The following KLC2 variants were observed in gnomAD, a reference collection of about 807,000 sequenced individuals.
The protein encoded by KLC2 is KLC 2.
A neutral mutation model predicts 75.1 loss-of-function variants in KLC2; 35 were observed. The ratio of observed to expected loss-of-function variants is 0.47; its 90% CI spans 0.36 to 0.62. KLC2 has a LOEUF of 0.62. Ranked by LOEUF, KLC2 falls within the 20% of genes least tolerant of loss-of-function variation. KLC2 has a pLI of 0.00. For synonymous variants in KLC2, 314 were observed against 336.7 expected, an observed-to-expected ratio of 0.93 and a Z score of 0.74; for missense variants, 611 against 833.2, an observed-to-expected ratio of 0.73 and a Z score of 3.28.
chr11:66,251,035 A>G, the KLC2 span, among the ~76,000 whole-genome samples: 72 of 152,274 alleles, frequency 4.7e-4, no homozygotes, highest in Admixed American at 1.4e-3. Flanking sequence ...ACCGGGAGAA[A>G]CAAGACCTGC....
intron 9 of KLC2, chr11:66,264,683 C>T: frequency 1.7e-6 from 1 of 588,616 alleles, no homozygotes; most frequent in Non-Finnish European, 3.0e-6. Context: ...TCCCCCTTCT[C>T]CACTGGCGAT....
intron 2 of KLC2, 28 bp downstream of exon 2, chr11:66,258,850 G>A: frequency 6.9e-7 from 1 of 1,459,070 alleles, no homozygotes. Flanking sequence ...ACTGAGGTGG[G>A]AGGTCACTGG....
chr11:66,267,134 G>A lies in KLC2; in HGVS notation c.*178G>A. 6.5e-7 allele frequency: 1 copy of A among 1,534,072 alleles called. No individual in the cohort carries two copies. The highest frequency in any genetic ancestry group is 1.2e-5 in the South Asian group (1 of 81,870). Reference sequence around the variant, plus strand: ...AGCCTGAGCCCTGGAGGCTGGGCCTGCCCACTCCAGCTCCATCCCTTATTT... The same window carrying A: ...AGCCTGAGCCCTGGAGGCTGGGCCTACCCACTCCAGCTCCATCCCTTATTT... On this transcript the variant is annotated 3_prime_UTR_variant, in exon 16 of 16. Transcript: ENST00000394067.
intron 1 of KLC2, 185 bp from the exon 2 acceptor site, chr11:66,258,399 C>T (rs1856159101): frequency 1.7e-6 from 1 of 589,470 alleles, no homozygotes; most frequent in Admixed American, 3.0e-5. Flanking sequence ...TTGCGTCTCC[C>T]AGGCCTAGAC....
rs746952750 is a variant in KLC2 at position 66,265,901 on chromosome 11, T to C, written c.1491T>C (p.Asp497=). ...CCAAGGTGGTAGAACTGCTGAAAGA[T>C]GGCAGTGGCAGGCGGGGAGACCGCC... ...SQTKVVELLK[D]GSGRRGDRRS... is the part of the protein sequence containing the mutation. Residue 497 remains aspartate (D), a synonymous_variant, in exon 13 of 16, where the codon GAT becomes GAC. Transcript: ENST00000394067. 6 of 1,581,370 alleles carry C rather than the reference T, an allele frequency of 3.8e-6. No homozygotes were observed. Among genetic ancestry groups the C allele is most frequent in the Non-Finnish European group, 5.2e-6 (6 of 1,161,000 alleles).
chr11:66,252,084 T>A, the KLC2 span, among the ~76,000 whole-genome samples: 1 of 152,174 alleles, frequency 6.6e-6, no homozygotes, highest in South Asian at 2.1e-4. Flanking sequence ...GCCGCCTCAT[T>A]TGTGGCTCAC....
At chr11:66,258,430 A>C (rs771337836) in intron 1 of KLC2, 154 bp from the exon 2 acceptor site, 1 of 603,116 alleles carries the variant, frequency 1.7e-6, no homozygotes, top group Non-Finnish European at 2.9e-6. Flanking sequence ...CGCCCTCTGT[A>C]GGCCAAGCGC....
chr11:66,265,292 C>T, intron 11 of KLC2, 57 bp downstream of exon 11: 1 of 1,459,092 alleles, frequency 6.9e-7, no homozygotes, highest in Non-Finnish European at 9.6e-7. Flanking sequence ...GCTCCACATT[C>T]CATACTCTCA....
rs1171038237 is a variant in KLC2 at position 66,263,921 on chromosome 11, T to C, written c.911T>C (p.Leu304Ser). 6.2e-7 allele frequency: 1 copy of C among 1,614,156 alleles called. No individual in the cohort carries two copies. The highest frequency in any genetic ancestry group is 1.7e-5 in the Admixed American group (1 of 60,030). The change falls in exon 7 of 16, where the codon TTG (leucine) becomes TCG (serine). Residue 304 changes from leucine to serine, a missense_variant. Transcript: ENST00000394067. The stretch of plus-strand genomic sequence containing the variant: ...GGCAAGTACAAGGAGGCTGAGCCAT[T>C]GTGCAAGCGGGCACTGGAGATCCGG... ...KRGKYKEAEP[L>S]CKRALEIREK...
At position 66,267,083 on chromosome 11, in the gene KLC2, A is replaced by G; in HGVS notation, c.*127A>G. 1.3e-6 allele frequency: 2 copies of G among 1,543,606 alleles called. No individual in the cohort carries two copies. The highest frequency in any genetic ancestry group is 1.7e-6 in the Non-Finnish European group (2 of 1,143,374). Reference sequence around the variant, plus strand: ...GCCCCTGTCTTTTCTGTTCAATCTCAGGGTAACCTTCTCCCTTGTCATCTC... The same window carrying G: ...GCCCCTGTCTTTTCTGTTCAATCTCGGGGTAACCTTCTCCCTTGTCATCTC... On this transcript the variant is annotated 3_prime_UTR_variant, in exon 16 of 16. Transcript: ENST00000394067.
intron 9 of KLC2, 67 bp downstream of exon 9, chr11:66,264,511 G>A (rs1856677160): frequency 2.5e-6 from 3 of 1,177,220 alleles, no homozygotes; most frequent in African/African-American, 1.5e-5. Context: ...TCAGCACCCA[G>A]GACAAATCCC....
chr11:66,267,147 C>A lies in KLC2; in HGVS notation c.*191C>A, dbSNP rs1301748705. ...GAGGCTGGGCCTGCCCACTCCAGCT[C>A]CATCCCTTATTTATTCCTTCCAGCA... is the stretch of plus-strand genomic sequence containing the variant. On this transcript the variant is annotated 3_prime_UTR_variant, in exon 16 of 16. Coordinates refer to ENST00000394067, the MANE Select transcript of KLC2 (RefSeq NM_001318734.2). 6.5e-7 allele frequency: 1 copy of A among 1,541,200 alleles called. No homozygotes were observed. The highest frequency in any genetic ancestry group is 2.0e-5 in the Admixed American group (1 of 50,422).
chr11:66,252,002 C>T, the KLC2 span, among the ~76,000 whole-genome samples: 1 of 152,170 alleles, frequency 6.6e-6, no homozygotes, highest in South Asian at 2.1e-4. Flanking sequence ...TCGCTGGGCT[C>T]ATCTCCTTCC....
chr11:66,251,640 C>T, the KLC2 span, among the ~76,000 whole-genome samples: 1 of 151,920 alleles, frequency 6.6e-6, no homozygotes, highest in African/African-American at 2.4e-5. Flanking sequence ...GGCATGGTGG[C>T]GCATGCCTGT....
the KLC2 span, among the ~76,000 whole-genome samples, chr11:66,249,387 T>C: frequency 1.3e-5 from 2 of 152,320 alleles, no homozygotes; most frequent in East Asian, 3.9e-4. Context: ...GTGTTGATTA[T>C]CCCTACATGC....
At chr11:66,249,837 G>A in the KLC2 span, among the ~76,000 whole-genome samples, 2,064 of 152,068 alleles carry the variant, frequency 0.014, 38 homozygotes, top group African/African-American at 0.046. Context: ...ATCCTGCGCC[G>A]CCCCTCCCAA....
Position 66,258,592 on chromosome 11 carries a change from G to T in KLC2, c.-3G>T. 6.2e-7 allele frequency: 1 copy of T among 1,610,626 alleles called. No homozygotes were observed. Among genetic ancestry groups the T allele is most frequent in the Non-Finnish European group, 8.5e-7 (1 of 1,177,332 alleles). ...CACCCTCGTCCTCACAGACGCCACA[G>T]CCATGGCCATGATGGTGTTTCCGCG... On this transcript the variant is annotated 5_prime_UTR_variant, in exon 2 of 16. Transcript: ENST00000394067.
chr11:66,248,696 C>T, the KLC2 span, among the ~76,000 whole-genome samples: 1 of 151,982 alleles, frequency 6.6e-6, no homozygotes, highest in Admixed American at 6.6e-5. Context: ...AGACTCCCAC[C>T]CAGAATGCCA....
rs1590880507 is a variant in KLC2 at position 66,267,744 on chromosome 11, C to G, written c.*788C>G. 2.2e-6 allele frequency: 1 copy of G among 463,916 alleles called. No individual in the cohort carries two copies. The highest frequency in any genetic ancestry group is 3.8e-6 in the Non-Finnish European group (1 of 264,410). The allele number at this position is 463,916 out of a possible 1,614,324, so 28.7% of individuals were successfully genotyped here. On this transcript the variant is annotated 3_prime_UTR_variant, in exon 16 of 16. Transcript: ENST00000394067. ...TCGCCTCCCCCCACGCCTGCAGCTT[C>G]TCGCGAGGGGCGGCGACGGTCCCCT...
Sources: gnomAD v4.1 joint callset for allele counts (sites outside exome capture counted in the v4.1 genomes callset) on GRCh38, gnomAD v4.1.1 for gene constraint, MANE v1.5 for transcripts, NCBI Gene and HGNC (gene_info 2026-07-23, HGNC 2026-07-21) for gene names.